SGCZ: variants seen among roughly 807,000 people sequenced by gnomAD.
SGCZ encodes sarcoglycan zeta.
A neutral mutation model predicts 41.3 loss-of-function variants in SGCZ; 40 were observed. The observed-to-expected ratio is 0.97, with a 90% CI of 0.75 to 1.26. The LOEUF (loss-of-function observed/expected upper bound fraction) is 1.26, where lower values mean the gene tolerates loss of function less well. Among genes scored for constraint, SGCZ ranks in the 50% most tolerant of loss-of-function variants. SGCZ has a pLI of 0.00. For synonymous variants in SGCZ, 206 were observed against 137.5 expected (o/e 1.50, Z -3.49); for missense variants, 552 against 369.8 (o/e 1.49, Z -4.04).
At chr8:14,229,645 TAA>T (rs1013231498) in intron 4 of SGCZ, among the ~76,000 whole-genome samples, 1 of 35,306 alleles carries the variant, frequency 2.8e-5, no homozygotes, top group African/African-American at 6.0e-5. Context: ...CAACATTCTC[TAA>T]GTTAAAAAAA....
intron 1 of SGCZ, among the ~76,000 whole-genome samples, chr8:15,116,611 C>G (rs1003874877): frequency 1.3e-5 from 2 of 152,074 alleles, no homozygotes; most frequent in African/African-American, 4.8e-5. Flanking sequence ...ACAGAAAGGG[C>G]AAAGGGTATA....
chr8:14,256,294 T>C (rs1799463605), intron 3 of SGCZ, among the ~76,000 whole-genome samples: 1 of 152,072 alleles, frequency 6.6e-6, no homozygotes, highest in Admixed American at 6.6e-5. Flanking sequence ...GAGACATAGA[T>C]TTTTGCCATA....
rs1176655477 is a variant in SGCZ at position 14,540,450 on chromosome 8, C to T, written c.234+14282G>A. ...TTATTTTAAAAATTTATATTCTAGA[C>T]TGGATATCTGTTACATTATATCTCT... On this transcript the variant is annotated intron_variant, in intron 2 of 7. Coordinates refer to ENST00000382080, the MANE Select transcript of SGCZ (RefSeq NM_139167.4). Among the ~76,000 whole-genome samples the T allele has an allele frequency of 2.6e-5, 4 of 151,410 alleles. No homozygotes were observed. In the Admixed American group the frequency reaches 2.6e-4, roughly 10 times the overall value.
intron 1 of SGCZ, among the ~76,000 whole-genome samples, chr8:14,808,116 A>G (rs1460177862): frequency 6.6e-6 from 1 of 152,190 alleles, no homozygotes; most frequent in Non-Finnish European, 1.5e-5. Context: ...TAGACCTAAA[A>G]CCATAAAAAC....
chr8:14,179,411 G>A (rs139058867), intron 4 of SGCZ, among the ~76,000 whole-genome samples: 10 of 152,200 alleles, frequency 6.6e-5, no homozygotes, highest in East Asian at 1.9e-4. Flanking sequence ...AGACCAGTTC[G>A]CCTTTGCTTA....
At chr8:15,195,730 G>A (rs557463174) in intron 1 of SGCZ, among the ~76,000 whole-genome samples, 1 of 151,898 alleles carries the variant, frequency 6.6e-6, no homozygotes, top group Admixed American at 6.6e-5. Flanking sequence ...TCGGTCTTAC[G>A]ACAACCGATT....
chr8:14,279,894 G>C (rs1231226157), intron 3 of SGCZ, among the ~76,000 whole-genome samples: 2 of 151,474 alleles, frequency 1.3e-5, no homozygotes, highest in Non-Finnish European at 2.9e-5. Context: ...CCTGTGAAAA[G>C]TCATCCTCTG....
At chr8:14,975,720 T>A (rs1801446042) in intron 1 of SGCZ, among the ~76,000 whole-genome samples, 1 of 151,836 alleles carries the variant, frequency 6.6e-6, no homozygotes, top group Non-Finnish European at 1.5e-5. Context: ...TGCTGTGTTT[T>A]CTCTTACGAA....
intron 1 of SGCZ, among the ~76,000 whole-genome samples, chr8:14,797,861 G>C (rs903799259): frequency 3.3e-5 from 5 of 152,226 alleles, no homozygotes; most frequent in Non-Finnish European, 5.9e-5. Flanking sequence ...TCAGCCAATG[G>C]CTTCGTAGGG....
chr8:15,209,648 T>G (rs1272640928), intron 1 of SGCZ, among the ~76,000 whole-genome samples: 1 of 152,194 alleles, frequency 6.6e-6, no homozygotes, highest in Non-Finnish European at 1.5e-5. Context: ...TTAAAAGATC[T>G]AATTAAATTG....
At position 14,768,314 on chromosome 8, in the gene SGCZ, T is replaced by G. The variant is rs187295766; in HGVS notation, c.40-213388A>C. 5.7e-4 allele frequency among the ~76,000 whole-genome samples: 87 copies of G among 152,330 alleles called. 1 individual carries two copies. The highest frequency in any genetic ancestry group is 1.9e-3 in the African/African-American group (81 of 41,586). ...AGCTATTCAACGGAATTTATTTAGA[T>G]ACTTTATAAAGTGCAGTACTTCTTT... On this transcript the variant is annotated intron_variant, in intron 1 of 7. Transcript: ENST00000382080.
At chr8:14,819,164 C>A (rs1300405246) in intron 1 of SGCZ, among the ~76,000 whole-genome samples, 1 of 151,302 alleles carries the variant, frequency 6.6e-6, no homozygotes, top group African/African-American at 2.4e-5. Context: ...AAGTAGAATT[C>A]TAAAAGCTGC....
intron 1 of SGCZ, among the ~76,000 whole-genome samples, chr8:15,186,169 G>A (rs987955170): frequency 6.7e-6 from 1 of 148,606 alleles, no homozygotes; most frequent in African/African-American, 2.5e-5. Flanking sequence ...GGCTGAGCCA[G>A]GAGAATGGCA....
Position 14,729,644 on chromosome 8 carries a change from A to AAATCAATC in SGCZ, c.40-174726_40-174719dup, listed in dbSNP as rs56104484. 2.3e-3 allele frequency among the ~76,000 whole-genome samples: 351 copies of AAATCAATC among 150,864 alleles called. 2 individuals carry two copies. The highest frequency in any genetic ancestry group is 0.016 in the East Asian group (82 of 5,046). On this transcript the variant is annotated intron_variant, in intron 1 of 7. Coordinates refer to ENST00000382080, the MANE Select transcript of SGCZ (RefSeq NM_139167.4). ...GCACTTACAGCATCCAGAGCGTTAA[A>AAATCAATC]AATCAATCAATCAATCAATCAATCA...
At chr8:14,120,940 TATA>T (rs1802678434) in intron 5 of SGCZ, among the ~76,000 whole-genome samples, 1 of 152,140 alleles carries the variant, frequency 6.6e-6, no homozygotes, top group Admixed American at 6.5e-5. Context: ...TCTAAATCTC[TATA>T]GAAGAATATC....
At chr8:14,172,283 T>C (rs4240168) in intron 4 of SGCZ, among the ~76,000 whole-genome samples, 150,954 of 152,264 alleles carry the variant, frequency 0.99, 74,845 homozygotes, top group East Asian at 1. Flanking sequence ...ATGAAGGCTT[T>C]ATCTCAACAC....
At chr8:14,963,467 T>C (rs1801032402) in intron 1 of SGCZ, among the ~76,000 whole-genome samples, 1 of 151,850 alleles carries the variant, frequency 6.6e-6, no homozygotes, top group Non-Finnish European at 1.5e-5. Flanking sequence ...GCCTCCTGAG[T>C]AGCGGGAATT....
At chr8:14,094,432 CA>C (rs1305418348) in intron 7 of SGCZ, among the ~76,000 whole-genome samples, 5 of 152,002 alleles carry the variant, frequency 3.3e-5, no homozygotes, top group Non-Finnish European at 7.4e-5. Flanking sequence ...TGATGGTTTC[CA>C]GCATCATCCA....
At chr8:14,431,471 A>G (rs1324932095) in intron 2 of SGCZ, among the ~76,000 whole-genome samples, 1 of 43,816 alleles carries the variant, frequency 2.3e-5, no homozygotes, top group Non-Finnish European at 9.0e-5. Flanking sequence ...TAGTGCTGGG[A>G]AAATTGGCCA....
Sources: allele counts gnomAD v4.1 joint callset (sites outside exome capture counted in the v4.1 genomes callset), GRCh38; gene constraint gnomAD v4.1.1; transcripts MANE v1.5; gene names NCBI Gene and HGNC (gene_info 2026-07-23, HGNC 2026-07-21).